Variants in PHYKPL observed in about 807,000 individuals in gnomAD.
PHYKPL encodes the protein 5-phosphohydroxy-L-lysine phospho-lyase, also known as 5-phosphonooxy-L-lysine phospho-lyase.
PHYKPL carries 42 observed loss-of-function variants against 51.3 expected under a neutral mutation model. That is an observed-to-expected ratio of 0.82 (90% CI 0.64 to 1.06). PHYKPL has a LOEUF of 1.06. Ranked by LOEUF, PHYKPL falls within the 50% of genes least tolerant of loss-of-function variation. The pLI, the probability that PHYKPL is intolerant of heterozygous loss-of-function variation, is 0.00. For synonymous variants in PHYKPL, 264 were observed against 236.0 expected (o/e 1.12, Z -1.09); for missense variants, 655 against 586.6 (o/e 1.12, Z -1.20).
chr5:178,222,802 C>T, intron 7 of PHYKPL, 50 bp downstream of exon 7: 1 of 1,595,882 alleles, frequency 6.3e-7, no homozygotes. Context: ...GGTTGGAAAA[C>T]CTCATTAGAC....
intron 9 of PHYKPL, 64 bp from the exon 10 acceptor site, chr5:178,214,949 C>T (rs1025487084): frequency 6.9e-6 from 10 of 1,451,018 alleles, no homozygotes; most frequent in African/African-American, 1.4e-5. Context: ...CTGGCCTCAG[C>T]CTCTGGGCTC....
chr5:178,210,705 T>G, intron 12 of PHYKPL: 1 of 1,101,310 alleles, frequency 9.1e-7, no homozygotes. Flanking sequence ...CAAATTTAAC[T>G]TGGCAAACTT....
At chr5:178,210,029 T>G in intron 12 of PHYKPL, 1 of 1,514,914 alleles carries the variant, frequency 6.6e-7, no homozygotes, top group Non-Finnish European at 8.9e-7. Flanking sequence ...TCTGCCTGAG[T>G]TGCCACAGTA....
At chr5:178,231,814 T>C in intron 1 of PHYKPL, 1 of 1,384,538 alleles carries the variant, frequency 7.2e-7, no homozygotes, top group Non-Finnish European at 9.6e-7. Context: ...GTCTCCCGGA[T>C]CCTGAGAAAA....
In PHYKPL at chr5:178,213,821, G is replaced by A. The variant is rs1203757379; in HGVS notation, c.1173-718C>T. Among the ~76,000 whole-genome samples, 5 of 152,358 alleles carry A rather than the reference G, an allele frequency of 3.3e-5. No individual in the cohort carries two copies. In the East Asian group the frequency reaches 9.6e-4, roughly 29 times the overall value. On this transcript the variant is annotated intron_variant, in intron 10 of 12. Coordinates refer to ENST00000308158, the MANE Select transcript of PHYKPL (RefSeq NM_153373.4). ...GCACTGACCATGGCCACGCCAGAAA[G>A]AACAGGGCTTGGACTTTGGAGTTAG...
chr5:178,226,316 C>T (rs1173308271), intron 3 of PHYKPL: 1 of 152,068 alleles, frequency 6.6e-6, no homozygotes. Context: ...ATCCACCCGC[C>T]TCGGCCTCCC....
intron 3 of PHYKPL, among the ~76,000 whole-genome samples, chr5:178,228,763 C>T (rs929366862): frequency 2.0e-5 from 3 of 152,210 alleles, no homozygotes; most frequent in Admixed American, 6.5e-5. Context: ...TCTCCACTGC[C>T]GATCCTAGTG....
chr5:178,231,820 GA>G, intron 1 of PHYKPL: 3 of 1,377,544 alleles, frequency 2.2e-6, no homozygotes, highest in East Asian at 4.2e-5. Context: ...CGGATCCTGA[GA>G]AAAGGTGGCT....
intron 8 of PHYKPL, among the ~76,000 whole-genome samples, chr5:178,220,281 C>T (rs1016138883): frequency 6.6e-6 from 1 of 151,292 alleles, no homozygotes; most frequent in African/African-American, 2.4e-5. Context: ...GGCGGATTAC[C>T]TGAGGTCAGG....
intron 2 of PHYKPL, chr5:178,230,960 C>T (rs1457018872): frequency 1.9e-5 from 3 of 155,634 alleles, no homozygotes; most frequent in African/African-American, 7.3e-5. Flanking sequence ...ATTCATCTTC[C>T]ATGTGCCTGC....
chr5:178,207,157 A>G, downstream of PHYKPL: 1 of 1,614,154 alleles, frequency 6.2e-7, no homozygotes, highest in Non-Finnish European at 8.5e-7. Context: ...TGTGTTTATC[A>G]CCTTTAAAGA....
chr5:178,224,112 A>G (rs1761777547), intron 6 of PHYKPL, among the ~76,000 whole-genome samples: 1 of 152,072 alleles, frequency 6.6e-6, no homozygotes, highest in South Asian at 2.1e-4. Context: ...CTGGCCACAC[A>G]TTCACACGGT....
chr5:178,230,866 GTTAGTAAGTA>G (rs1763251615), intron 2 of PHYKPL: 1 of 153,692 alleles, frequency 6.5e-6, no homozygotes, highest in Admixed American at 6.4e-5. Context: ...GAGATCACAA[GTTAGTAAGTA>G]GGGGACAGGG....
intron 1 of PHYKPL, chr5:178,232,170 G>A: frequency 8.2e-7 from 1 of 1,222,994 alleles, no homozygotes; most frequent in East Asian, 4.3e-5. Context: ...CAGGGTGAAG[G>A]TCTTCTCCGG....
chr5:178,209,575 A>T, intron 12 of PHYKPL: 1 of 744,408 alleles, frequency 1.3e-6, no homozygotes, highest in Non-Finnish European at 2.3e-6. Context: ...GGGGACGAAC[A>T]GGAATAGGAA....
chr5:178,226,261 A>G (rs62388738), intron 3 of PHYKPL, among the ~76,000 whole-genome samples: 23,705 of 151,362 alleles, frequency 0.16, 1,989 homozygotes, highest in Admixed American at 0.19. Context: ...ATTTTCAGTA[A>G]AGACAGGGTT....
At chr5:178,215,175 G>C (rs930841180) in intron 9 of PHYKPL, 101 bp downstream of exon 9, 1 of 1,559,378 alleles carries the variant, frequency 6.4e-7, no homozygotes, top group South Asian at 1.1e-5. Context: ...CCTCTTGAGA[G>C]CGGACATAAC....
intron 10 of PHYKPL, 44 bp downstream of exon 10, chr5:178,214,752 G>A: frequency 6.4e-7 from 1 of 1,563,484 alleles, no homozygotes. Flanking sequence ...GGTACCTGTG[G>A]TGTCTCCTAC....
At chr5:178,220,732 A>C (rs949155497) in intron 8 of PHYKPL, among the ~76,000 whole-genome samples, 3 of 80,152 alleles carry the variant, frequency 3.7e-5, no homozygotes, top group Non-Finnish European at 7.5e-5. Context: ...AAAAAAAAAA[A>C]AAAAACAAAA....
Sources: allele counts gnomAD v4.1 joint callset (sites outside exome capture counted in the v4.1 genomes callset), GRCh38; gene constraint gnomAD v4.1.1; transcripts MANE v1.5; gene names NCBI Gene and HGNC (gene_info 2026-07-23, HGNC 2026-07-21).